MAGI2: variants seen among roughly 807,000 people sequenced by gnomAD.
The protein encoded by MAGI2 is membrane associated guanylate kinase, WW and PDZ domain containing 2, also known as membrane-associated guanylate kinase, WW and PDZ domain-containing protein 2.
MAGI2 carries 35 observed loss-of-function variants against 133.3 expected under a neutral mutation model. The observed-to-expected ratio is 0.26, with a 90% CI of 0.20 to 0.35. The LOEUF is 0.35. Ranked by LOEUF, MAGI2 falls within the 10% of genes least tolerant of loss-of-function variation. The pLI is 1.00. For missense variants in MAGI2, 1,636 were observed against 1,863.4 expected (o/e 0.88, Z 2.25); for synonymous variants, 729 against 710.6 (o/e 1.03, Z -0.41).
At chr7:78,878,214 G>T (rs144867572) in intron 2 of MAGI2, among the ~76,000 whole-genome samples, 14 of 152,294 alleles carry the variant, frequency 9.2e-5, no homozygotes, top group African/African-American at 3.1e-4. Flanking sequence ...GAATGAATGT[G>T]ACTTGTGCAG....
intron 6 of MAGI2, among the ~76,000 whole-genome samples, chr7:78,416,921 C>T (rs941571115): frequency 7.9e-5 from 12 of 152,038 alleles, no homozygotes; most frequent in Admixed American, 1.3e-4. Context: ...CTTCACAGCC[C>T]CTAGAACTGT....
intron 6 of MAGI2, among the ~76,000 whole-genome samples, chr7:78,427,440 C>A (rs919418021): frequency 6.6e-6 from 1 of 151,880 alleles, no homozygotes; most frequent in Admixed American, 6.6e-5. Flanking sequence ...CATACTGATA[C>A]GAGGCAAACT....
At chr7:78,041,413 C>T (rs12705198) in intron 21 of MAGI2, among the ~76,000 whole-genome samples, 62,080 of 152,066 alleles carry the variant, frequency 0.41, 13,043 homozygotes, top group African/African-American at 0.45. Flanking sequence ...TGGTGGCTTA[C>T]GCCTGTAATC....
chr7:78,627,559 T>G (rs1262595806), intron 2 of MAGI2, among the ~76,000 whole-genome samples: 2 of 152,220 alleles, frequency 1.3e-5, no homozygotes, highest in East Asian at 3.9e-4. Flanking sequence ...GCCAGCAGTC[T>G]GCTAGTTCAG....
intron 1 of MAGI2, among the ~76,000 whole-genome samples, chr7:79,193,838 A>G (rs991731340): frequency 5.3e-5 from 8 of 151,852 alleles, no homozygotes; most frequent in Non-Finnish European, 1.2e-4. Flanking sequence ...TGGGCGTTGC[A>G]AACCGGTGTC....
chr7:78,308,928 CTAT>C (rs1237692537), intron 9 of MAGI2, among the ~76,000 whole-genome samples: 1 of 152,126 alleles, frequency 6.6e-6, no homozygotes, highest in Non-Finnish European at 1.5e-5. Context: ...TAACGTATTA[CTAT>C]ACAATTTTTC....
chr7:78,538,508 G>A (rs1237889905), intron 3 of MAGI2, among the ~76,000 whole-genome samples: 1 of 152,198 alleles, frequency 6.6e-6, no homozygotes, highest in African/African-American at 2.4e-5. Flanking sequence ...TATTTCAGCA[G>A]TGTTTTGTAG....
At chr7:79,037,600 A>T (rs543939860) in intron 1 of MAGI2, among the ~76,000 whole-genome samples, 2 of 152,190 alleles carry the variant, frequency 1.3e-5, no homozygotes, top group South Asian at 4.1e-4. Flanking sequence ...ATTAAAAAAA[A>T]TCACAGTACC....
chr7:79,136,036 A>AGAAAGAAGGAAAGAAG (rs1562929004), intron 1 of MAGI2, among the ~76,000 whole-genome samples: 2 of 137,126 alleles, frequency 1.5e-5, no homozygotes, highest in South Asian at 4.6e-4. Context: ...AAGGAAAGAA[A>AGAAAGAAGGAAAGAAG]GAAAGAAAGA....
At chr7:78,494,121 A>G (rs552219565) in intron 5 of MAGI2, among the ~76,000 whole-genome samples, 33 of 151,996 alleles carry the variant, frequency 2.2e-4, no homozygotes, top group African/African-American at 7.0e-4. Context: ...GGACTAGACT[A>G]CAGGTGCATG....
At chr7:79,418,950 T>C (rs1049267680) in intron 1 of MAGI2, among the ~76,000 whole-genome samples, 3 of 151,896 alleles carry the variant, frequency 2.0e-5, no homozygotes, top group Non-Finnish European at 4.4e-5. Flanking sequence ...TTAACTTTTA[T>C]CTAAAATTAA....
rs570631911 is a variant in MAGI2 at position 78,675,308 on chromosome 7, T to A, written c.419-48069A>T. Among the ~76,000 whole-genome samples the A allele has an allele frequency of 2.8e-4, 42 of 151,896 alleles. No homozygotes were observed. In the South Asian group the frequency reaches 8.1e-3, roughly 29 times the overall value. The stretch of plus-strand genomic sequence containing the variant: ...TTGTGTGTTTGAATGTGTGATTCCA[T>A]GTAGTTAAAAAAAGAGTAAGAAGGT... On this transcript the variant is annotated intron_variant, in intron 2 of 21. Transcript: ENST00000354212.
At chr7:78,240,225 C>T (rs1212881841) in intron 10 of MAGI2, among the ~76,000 whole-genome samples, 5 of 152,168 alleles carry the variant, frequency 3.3e-5, no homozygotes, top group African/African-American at 1.2e-4. Flanking sequence ...TGAGTGAGAA[C>T]ATGTGGTGTT....
At chr7:78,517,200 A>T (rs1796113282) in intron 4 of MAGI2, among the ~76,000 whole-genome samples, 1 of 152,140 alleles carries the variant, frequency 6.6e-6, no homozygotes, top group Non-Finnish European at 1.5e-5. Context: ...GGGGGATATA[A>T]ATTTTAAACA....
At chr7:78,634,929 TATTA>T (rs1202493962) in intron 2 of MAGI2, among the ~76,000 whole-genome samples, 2 of 152,164 alleles carry the variant, frequency 1.3e-5, no homozygotes, top group Non-Finnish European at 2.9e-5. Context: ...ATTTTATTCT[TATTA>T]TTTATTCCAG....
At chr7:78,571,904 T>C (rs1199661627) in intron 3 of MAGI2, among the ~76,000 whole-genome samples, 1 of 152,198 alleles carries the variant, frequency 6.6e-6, no homozygotes, top group African/African-American at 2.4e-5. Flanking sequence ...TTTCATTTTG[T>C]AGACATGGGC....
In MAGI2 at chr7:78,239,493, T is replaced by G. The variant is rs568037251; in HGVS notation, c.2047+16450A>C. Among the ~76,000 whole-genome samples the G allele has an allele frequency of 5.3e-5, 8 of 152,086 alleles. No individual in the cohort carries two copies. In the South Asian group the frequency reaches 1.7e-3, roughly 32 times the overall value. On this transcript the variant is annotated intron_variant, in intron 10 of 21. Coordinates refer to ENST00000354212, the MANE Select transcript of MAGI2 (RefSeq NM_012301.4). Reference sequence around the variant, plus strand: ...TGACAACATGAAGAATGGAAGAAAATATTTGTAAACTGTACATGGATAAAG... The same window carrying G: ...TGACAACATGAAGAATGGAAGAAAAGATTTGTAAACTGTACATGGATAAAG...
At chr7:78,521,733 T>C in intron 3 of MAGI2, 88 bp from the exon 4 acceptor site, 3 of 1,090,296 alleles carry the variant, frequency 2.8e-6, no homozygotes, top group Non-Finnish European at 2.8e-6. Context: ...TATTAACACA[T>C]TTTTATCCTA....
chr7:79,405,426 C>A (rs1051900378), intron 1 of MAGI2, among the ~76,000 whole-genome samples: 4 of 152,102 alleles, frequency 2.6e-5, no homozygotes, highest in African/African-American at 9.7e-5. Context: ...GCTGAGTATT[C>A]AGACAGCATT....
Sources: gnomAD v4.1 joint callset for allele counts (sites outside exome capture counted in the v4.1 genomes callset) on GRCh38, gnomAD v4.1.1 for gene constraint, MANE v1.5 for transcripts, NCBI Gene and HGNC (gene_info 2026-07-23, HGNC 2026-07-21) for gene names.